The following CSMD1 variants were observed in gnomAD, a reference collection of about 807,000 sequenced individuals.
CSMD1 encodes CUB and sushi domain-containing protein 1.
CSMD1 carries 213 observed loss-of-function variants against 417.5 expected under a neutral mutation model. The observed-to-expected ratio is 0.51, with a 90% CI of 0.46 to 0.57. The LOEUF (loss-of-function observed/expected upper bound fraction) is 0.57. Ranked by LOEUF, CSMD1 falls within the 20% of genes least tolerant of loss-of-function variation. The probability of loss-of-function intolerance (pLI) is 0.00; values close to 1 mark genes in which losing one functional copy is unlikely to be tolerated. For synonymous variants in CSMD1, 2,862 were observed against 1,736.8 expected, an observed-to-expected ratio of 1.65 and a Z score of -16.11; for missense variants, 6,923 against 4,529.7, an observed-to-expected ratio of 1.53 and a Z score of -15.17.
At chr8:4,313,675 A>T (rs1045807424) in intron 3 of CSMD1, among the ~76,000 whole-genome samples, 7 of 152,078 alleles carry the variant, frequency 4.6e-5, no homozygotes, top group Non-Finnish European at 1.0e-4. Context: ...GGAAACCAGG[A>T]GCTCTGAAAG....
chr8:4,021,097 TACA>T (rs1479225388), intron 4 of CSMD1, among the ~76,000 whole-genome samples: 1 of 152,224 alleles, frequency 6.6e-6, no homozygotes, highest in Admixed American at 6.5e-5. Flanking sequence ...GGATAGAGGA[TACA>T]ACAAGTTTAA....
rs369563552 is a variant in CSMD1, at chr8:4,790,074, C to T, written c.86-152516G>A. Among the ~76,000 whole-genome samples, 7 of 152,226 alleles carry T rather than the reference C, an allele frequency of 4.6e-5. No individual in the cohort carries two copies. In the East Asian group the frequency reaches 1.2e-3, roughly 25 times the overall value. ...CAGAGAATTCTAGGAGGAAAACATT[C>T]GATGAGTTTTGTGGGAAAATACTAA... On this transcript the variant is annotated intron_variant, in intron 1 of 69. Coordinates refer to ENST00000635120, the MANE Select transcript of CSMD1 (RefSeq NM_033225.6).
intron 51 of CSMD1, among the ~76,000 whole-genome samples, chr8:3,022,075 A>T (rs1287727281): frequency 1.3e-5 from 2 of 149,082 alleles, no homozygotes; most frequent in Non-Finnish European, 3.0e-5. Context: ...GCAATCCCAC[A>T]GCATCCGGAA....
chr8:3,660,439 G>C (rs1177598196), intron 7 of CSMD1, among the ~76,000 whole-genome samples: 3 of 145,246 alleles, frequency 2.1e-5, no homozygotes, highest in African/African-American at 5.1e-5. Flanking sequence ...GCAAACACAG[G>C]AGTAAGAATT....
chr8:3,734,756 G>A (rs184034390), intron 6 of CSMD1, among the ~76,000 whole-genome samples: 295 of 152,308 alleles, frequency 1.9e-3, no homozygotes, highest in African/African-American at 6.9e-3. Context: ...TAATGTGGCT[G>A]CTTCTTCTGT....
At chr8:3,331,171 G>C (rs980270104) in intron 23 of CSMD1, among the ~76,000 whole-genome samples, 10 of 151,272 alleles carry the variant, frequency 6.6e-5, no homozygotes, top group Non-Finnish European at 2.9e-5. Context: ...CCGGGAGGTG[G>C]AGCTTGCAGT....
intron 2 of CSMD1, among the ~76,000 whole-genome samples, chr8:4,429,881 C>G (rs1797774889): frequency 6.6e-6 from 1 of 152,032 alleles, no homozygotes; most frequent in Non-Finnish European, 1.5e-5. Flanking sequence ...TGAGGGAATC[C>G]TCTCCTCCAT....
intron 13 of CSMD1, among the ~76,000 whole-genome samples, chr8:3,409,155 G>A (rs565066367): frequency 1.3e-5 from 2 of 152,296 alleles, no homozygotes; most frequent in South Asian, 2.1e-4. Context: ...TGGAAACAAC[G>A]ATATATGTGA....
intron 3 of CSMD1, among the ~76,000 whole-genome samples, chr8:4,416,045 G>A (rs1796919604): frequency 1.3e-5 from 2 of 152,040 alleles, no homozygotes; most frequent in South Asian, 2.1e-4. Flanking sequence ...GACAATTTCC[G>A]TGAAGATTTC....
chr8:3,646,292 T>G (rs57884893), intron 7 of CSMD1, among the ~76,000 whole-genome samples: 1 of 152,154 alleles, frequency 6.6e-6, no homozygotes, highest in East Asian at 1.9e-4. Flanking sequence ...GTTGTAAAAG[T>G]ATGAAATATA....
intron 26 of CSMD1, among the ~76,000 whole-genome samples, chr8:3,243,668 T>A (rs1016300976): frequency 4.6e-5 from 7 of 152,042 alleles, no homozygotes; most frequent in Non-Finnish European, 2.9e-5. Flanking sequence ...TACATGCAGG[T>A]CACAGGGGAT....
At chr8:3,455,251 G>C (rs1249593222) in intron 12 of CSMD1, among the ~76,000 whole-genome samples, 1 of 151,964 alleles carries the variant, frequency 6.6e-6, no homozygotes, top group Non-Finnish European at 1.5e-5. Flanking sequence ...TTTGCCATGG[G>C]TTCAAACTTC....
intron 1 of CSMD1, among the ~76,000 whole-genome samples, chr8:4,655,828 G>C (rs1045603700): frequency 3.3e-5 from 5 of 152,068 alleles, no homozygotes; most frequent in African/African-American, 1.2e-4. Flanking sequence ...ATGTGGATTA[G>C]AATTCAGCTA....
intron 5 of CSMD1, among the ~76,000 whole-genome samples, chr8:3,861,564 T>A (rs569729994): frequency 6.6e-6 from 1 of 152,296 alleles, no homozygotes; most frequent in Non-Finnish European, 1.5e-5. Flanking sequence ...GAGCATTACT[T>A]GGGAATGGCT....
intron 1 of CSMD1, among the ~76,000 whole-genome samples, chr8:4,703,332 C>T (rs1232702975): frequency 6.6e-6 from 1 of 152,146 alleles, no homozygotes; most frequent in Non-Finnish European, 1.5e-5. Flanking sequence ...ATATACGTCG[C>T]TCCACGGACC....
intron 1 of CSMD1, among the ~76,000 whole-genome samples, chr8:4,698,199 G>A (rs1428087927): frequency 1.4e-5 from 2 of 147,314 alleles, no homozygotes; most frequent in East Asian, 4.0e-4. Context: ...ACCTTCATCT[G>A]TATTAATGTA....
intron 1 of CSMD1, among the ~76,000 whole-genome samples, chr8:4,864,016 C>A (rs1404707934): frequency 1.3e-5 from 2 of 151,928 alleles, no homozygotes; most frequent in Non-Finnish European, 2.9e-5. Flanking sequence ...TGGCAATATG[C>A]TTTACATTAA....
chr8:4,950,332 G>C (rs907781669), intron 1 of CSMD1, among the ~76,000 whole-genome samples: 4 of 151,992 alleles, frequency 2.6e-5, no homozygotes, highest in Non-Finnish European at 5.9e-5. Flanking sequence ...ATTTGCAGTT[G>C]TCTTTAAAAG....
chr8:3,141,875 G>T (rs1370178321), intron 41 of CSMD1, among the ~76,000 whole-genome samples: 8 of 150,092 alleles, frequency 5.3e-5, no homozygotes, highest in Non-Finnish European at 1.2e-4. Context: ...TCTCCTCACT[G>T]CAAGCTCCGC....
Sources: gnomAD v4.1 joint callset for allele counts (sites outside exome capture counted in the v4.1 genomes callset) on GRCh38, gnomAD v4.1.1 for gene constraint, MANE v1.5 for transcripts, NCBI Gene and HGNC (gene_info 2026-07-23, HGNC 2026-07-21) for gene names.